The following MICAL3 variants were observed in gnomAD, a reference collection of about 807,000 sequenced individuals.
MICAL3 encodes the protein microtubule associated monooxygenase, calponin and LIM domain containing 3.
Under a neutral mutation model 207.4 loss-of-function variants are expected in MICAL3, and 62 were observed. That is an observed-to-expected ratio of 0.30 (90% confidence interval 0.24 to 0.37). The LOEUF (loss-of-function observed/expected upper bound fraction) is 0.37. Among genes scored for constraint, MICAL3 ranks in the 10% least tolerant of loss-of-function variants. The pLI, the probability that MICAL3 is intolerant of heterozygous loss-of-function variation, is 1.00. For missense variants in MICAL3, 2,368 were observed against 2,635.6 expected, an observed-to-expected ratio of 0.90 and a Z score of 2.22; for synonymous variants, 1,077 against 1,069.3, an observed-to-expected ratio of 1.01 and a Z score of -0.14.
chr22:17,886,535 T>A (rs1421516901), intron 15 of MICAL3, among the ~76,000 whole-genome samples: 2 of 152,164 alleles, frequency 1.3e-5, no homozygotes, highest in African/African-American at 2.4e-5. Flanking sequence ...CCGGGTGTGG[T>A]GGCTCATGCC....
intron 1 of MICAL3, among the ~76,000 whole-genome samples, chr22:17,964,783 T>C (rs541827195): frequency 2.1e-4 from 31 of 150,126 alleles, no homozygotes; most frequent in African/African-American, 7.0e-4. Flanking sequence ...TAAGGTCCAA[T>C]GATTTTGAGT....
At chr22:18,007,849 G>C (rs1050739119) in intron 1 of MICAL3, among the ~76,000 whole-genome samples, 3 of 150,062 alleles carry the variant, frequency 2.0e-5, no homozygotes, top group African/African-American at 7.4e-5. Context: ...CGTGAACCCG[G>C]GGGGTGGAGC....
chr22:17,874,181 A>G (rs1327432165), intron 16 of MICAL3, among the ~76,000 whole-genome samples: 6 of 152,232 alleles, frequency 3.9e-5, no homozygotes, highest in Admixed American at 2.0e-4. Context: ...TAATTCAAAA[A>G]TAAGATTCCC....
chr22:17,878,510 C>T (rs112711269), intron 16 of MICAL3, among the ~76,000 whole-genome samples: 7,456 of 152,256 alleles, frequency 0.049, 243 homozygotes, highest in South Asian at 0.12. Flanking sequence ...TAGCTCCTAT[C>T]GGGTCCGAGG....
chr22:17,904,939 T>C, intron 2 of MICAL3, 100 bp from the exon 3 acceptor site: 1 of 882,528 alleles, frequency 1.1e-6, no homozygotes. Context: ...AGCCCCGAAA[T>C]AGGGCTATTC....
At chr22:17,965,347 C>T (rs1978968) in intron 1 of MICAL3, among the ~76,000 whole-genome samples, 25,725 of 152,184 alleles carry the variant, frequency 0.17, 2,583 homozygotes, top group Middle Eastern at 0.26. Flanking sequence ...CCTATAATTT[C>T]AATGCTTAAG....
chr22:17,946,923 C>A (rs1934098297), intron 1 of MICAL3, among the ~76,000 whole-genome samples: 1 of 152,218 alleles, frequency 6.6e-6, no homozygotes, highest in African/African-American at 2.4e-5. Flanking sequence ...CCACATGATA[C>A]CCCTTCCAAG....
At chr22:17,936,669 A>C (rs1185721136) in intron 1 of MICAL3, among the ~76,000 whole-genome samples, 1 of 152,126 alleles carries the variant, frequency 6.6e-6, no homozygotes, top group Non-Finnish European at 1.5e-5. Flanking sequence ...GTCAATGCCC[A>C]CCTAAAGGCT....
At chr22:17,944,921 C>T (rs1308914428) in intron 1 of MICAL3, among the ~76,000 whole-genome samples, 1 of 152,010 alleles carries the variant, frequency 6.6e-6, no homozygotes, top group Non-Finnish European at 1.5e-5. Flanking sequence ...TCACTGCACA[C>T]CTCTGAGATC....
At chr22:17,890,078 G>C (rs1930269271) in intron 12 of MICAL3, among the ~76,000 whole-genome samples, 2 of 152,124 alleles carry the variant, frequency 1.3e-5, no homozygotes, top group South Asian at 4.1e-4. Context: ...TTCCTATTTA[G>C]ATTAATGGCC....
intron 27 of MICAL3, 136 bp downstream of exon 27, chr22:17,816,554 G>C (rs962089667): frequency 3.9e-5 from 28 of 712,078 alleles, no homozygotes; most frequent in Non-Finnish European, 5.6e-5. Flanking sequence ...GGCTGGGTCA[G>C]CAGTCAGCTG....
rs576440499 is a variant in MICAL3 at position 17,909,398 on chromosome 22, G to A, written c.-74-2512C>T. Among the ~76,000 whole-genome samples, 13 of 152,296 alleles carry A rather than the reference G, an allele frequency of 8.5e-5. No homozygotes were observed. The South Asian group carries it at 2.3e-3, about 27-fold the overall frequency. ...AAATTAGCCAGGTGTGGTGGCACAC[G>A]CCTGTAATCCCAGCTATTCAGGAGG... On this transcript the variant is annotated intron_variant, in intron 1 of 31. Transcript: ENST00000441493.
intron 1 of MICAL3, among the ~76,000 whole-genome samples, chr22:17,968,909 T>C (rs1378978183): frequency 6.6e-6 from 1 of 152,250 alleles, no homozygotes; most frequent in African/African-American, 2.4e-5. Context: ...AATGGTCTCA[T>C]GGGTAAATTA....
At chr22:17,799,469 A>G (rs558310048) in intron 29 of MICAL3, among the ~76,000 whole-genome samples, 37 of 152,036 alleles carry the variant, frequency 2.4e-4, no homozygotes, top group Non-Finnish European at 4.4e-4. Flanking sequence ...TAGATTTTCC[A>G]CTCTGCCTTG....
intron 19 of MICAL3, among the ~76,000 whole-genome samples, chr22:17,845,784 C>T (rs1924572035): frequency 6.6e-6 from 1 of 152,194 alleles, no homozygotes; most frequent in African/African-American, 2.4e-5. Flanking sequence ...TCTGCCTTCC[C>T]CTTTGGGCAT....
chr22:17,817,378 G>A lies in MICAL3; in HGVS notation c.5283C>T (p.Pro1761=), dbSNP rs943364363. ...KKKKADDKSC[P]STPSSGATVD... ...CCGTGGCCCCGCTGGAGGGGGTGCT[G>A]GGGCAGGACTTGTCGTCGGCCTTCT... is the stretch of plus-strand genomic sequence containing the variant. Residue 1761 remains proline, a synonymous_variant, in exon 26 of 32, where the codon CCC becomes CCT. Coordinates refer to ENST00000441493, the MANE Select transcript of MICAL3 (RefSeq NM_015241.3). 1.9e-6 allele frequency: 3 copies of A among 1,612,448 alleles called. No homozygotes were observed. The highest frequency in any genetic ancestry group is 2.7e-5 in the African/African-American group (2 of 74,916).
At chr22:17,790,962 C>A in intron 31 of MICAL3, 36 bp downstream of exon 31, 3 of 1,612,794 alleles carry the variant, frequency 1.9e-6, no homozygotes, top group East Asian at 2.2e-5. Flanking sequence ...GAGGTGGCAC[C>A]CACCCTGGCC....
At chr22:17,927,493 A>G (rs1292700043) in intron 1 of MICAL3, among the ~76,000 whole-genome samples, 1 of 152,090 alleles carries the variant, frequency 6.6e-6, no homozygotes, top group Non-Finnish European at 1.5e-5. Flanking sequence ...CCTTGCTTAC[A>G]CTTTGAAAGA....
intron 27 of MICAL3, chr22:17,813,882 A>G (rs933706331): frequency 1.3e-5 from 2 of 152,200 alleles, no homozygotes; most frequent in African/African-American, 4.8e-5. Flanking sequence ...GCTTGTATTT[A>G]AAGTCAAATG....
Sources: gnomAD v4.1 joint callset for allele counts (sites outside exome capture counted in the v4.1 genomes callset) on GRCh38, gnomAD v4.1.1 for gene constraint, MANE v1.5 for transcripts, NCBI Gene and HGNC (gene_info 2026-07-23, HGNC 2026-07-21) for gene names.